Variants in GPR39 observed in about 807,000 individuals in gnomAD.
GPR39 encodes the protein G protein-coupled receptor 39.
GPR39 carries 23 observed loss-of-function variants against 18.4 expected under a neutral mutation model. The observed-to-expected ratio is 1.25, with a 90% CI of 0.90 to 1.77. GPR39 has a LOEUF of 1.77. Among genes scored for constraint, GPR39 ranks in the 40% most tolerant of loss-of-function variants. GPR39 has a pLI of 0.00. For synonymous variants in GPR39, 280 were observed against 257.9 expected, an observed-to-expected ratio of 1.09 and a Z score of -0.82; for missense variants, 647 against 602.4, an observed-to-expected ratio of 1.07 and a Z score of -0.78.
At chr2:132,473,528 C>T (rs2104784678) in intron 1 of GPR39, among the ~76,000 whole-genome samples, 1 of 152,050 alleles carries the variant, frequency 6.6e-6, no homozygotes, top group South Asian at 2.1e-4. Flanking sequence ...GGAAAGACTA[C>T]AGTACTTTGA....
chr2:132,419,532 A>G (rs1679969875), intron 1 of GPR39, among the ~76,000 whole-genome samples: 1 of 152,190 alleles, frequency 6.6e-6, no homozygotes, highest in South Asian at 2.1e-4. Flanking sequence ...AGGTAACGTT[A>G]TCTTGGGACT....
chr2:132,425,699 T>G (rs2315387), intron 1 of GPR39, among the ~76,000 whole-genome samples: 1 of 152,024 alleles, frequency 6.6e-6, no homozygotes, highest in Admixed American at 6.6e-5. Context: ...AGCCTTTAAA[T>G]CTGGGTCTAG....
At chr2:132,633,338 CTGTGTGTGTG>C (rs55722602) in intron 1 of GPR39, among the ~76,000 whole-genome samples, 296 of 139,184 alleles carry the variant, frequency 2.1e-3, no homozygotes, top group African/African-American at 5.0e-3. Flanking sequence ...CCAAATACCT[CTGTGTGTGTG>C]TGTGTGTGTG....
In GPR39 at chr2:132,565,552, C is replaced by G. The variant is rs12990243; in HGVS notation, c.857-79549C>G. ...TCTCCCAATGCCATCCCTCCCCCCTCCCCCCACCCCACCACAGTCCCCAGA... is the reference window on the plus strand; with the variant it reads ...TCTCCCAATGCCATCCCTCCCCCCTGCCCCCACCCCACCACAGTCCCCAGA... On this transcript the variant is annotated intron_variant, in intron 1 of 1. Transcript: ENST00000329321. Among the ~76,000 whole-genome samples, 4 of 105,330 alleles carry G rather than the reference C, an allele frequency of 3.8e-5. No individual in the cohort carries two copies. The Admixed American group carries it at 5.0e-4, about 13-fold the overall frequency. 69.1% of individuals were successfully genotyped at this position (105,330 alleles called of 152,430 possible).
chr2:132,499,550 C>T (rs185222506), intron 1 of GPR39, among the ~76,000 whole-genome samples: 14 of 151,934 alleles, frequency 9.2e-5, no homozygotes, highest in African/African-American at 1.4e-4. Flanking sequence ...TTTGACTATG[C>T]GGGCTCTTTT....
At chr2:132,456,902 G>T (rs939719601) in intron 1 of GPR39, among the ~76,000 whole-genome samples, 2 of 152,180 alleles carry the variant, frequency 1.3e-5, no homozygotes, top group Admixed American at 1.3e-4. Context: ...CTCTCTGGCT[G>T]CCCTTAACAC....
intron 1 of GPR39, among the ~76,000 whole-genome samples, chr2:132,587,637 A>G (rs954299820): frequency 1.3e-5 from 2 of 152,034 alleles, no homozygotes; most frequent in African/African-American, 4.8e-5. Context: ...GTTTTTAAGC[A>G]GCTCTCTCTG....
chr2:132,553,889 T>A (rs1680099284), intron 1 of GPR39, among the ~76,000 whole-genome samples: 2 of 152,052 alleles, frequency 1.3e-5, no homozygotes, highest in Non-Finnish European at 2.9e-5. Flanking sequence ...CATCAGGGGC[T>A]GGTGGTCCCT....
chr2:132,613,632 T>C (rs1283360751), intron 1 of GPR39, among the ~76,000 whole-genome samples: 2 of 152,236 alleles, frequency 1.3e-5, no homozygotes, highest in Non-Finnish European at 2.9e-5. Context: ...TCACCATCAC[T>C]TAGCAGAGTG....
At chr2:132,538,237 T>C (rs921919509) in intron 1 of GPR39, among the ~76,000 whole-genome samples, 6 of 151,954 alleles carry the variant, frequency 3.9e-5, no homozygotes, top group African/African-American at 1.4e-4. Context: ...TTTTGTATTT[T>C]TGTTGTTGTT....
chr2:132,476,671 T>C (rs990656381), intron 1 of GPR39, among the ~76,000 whole-genome samples: 6 of 137,208 alleles, frequency 4.4e-5, no homozygotes, highest in Non-Finnish European at 7.7e-5. Context: ...AAGATAGATA[T>C]GTAAAGATAT....
chr2:132,492,131 T>C (rs1163891558), intron 1 of GPR39, among the ~76,000 whole-genome samples: 1 of 148,614 alleles, frequency 6.7e-6, no homozygotes, highest in Non-Finnish European at 1.5e-5. Flanking sequence ...CACATATATA[T>C]ACATACCATA....
intron 1 of GPR39, among the ~76,000 whole-genome samples, chr2:132,520,378 C>T (rs555566947): frequency 6.6e-6 from 1 of 152,346 alleles, no homozygotes; most frequent in East Asian, 1.9e-4. Context: ...ATGCCAAGCT[C>T]AGTGCCTGAT....
chr2:132,570,012 A>G (rs1158242365), intron 1 of GPR39, among the ~76,000 whole-genome samples: 1 of 152,102 alleles, frequency 6.6e-6, no homozygotes, highest in East Asian at 1.9e-4. Flanking sequence ...GGGCAGTGGG[A>G]AAGCGGACTA....
chr2:132,499,158 C>T (rs1372942436), intron 1 of GPR39, among the ~76,000 whole-genome samples: 1 of 152,094 alleles, frequency 6.6e-6, no homozygotes, highest in Non-Finnish European at 1.5e-5. Context: ...AGTGTTTTTC[C>T]TAAGTTATCT....
rs747929693 is a variant in GPR39, at chr2:132,645,321, G to A, written c.1077G>A (p.Leu359=). ...QQFRRVFVQV[L]CCRLSLQHAN... ...TTCGGCGGGTGTTCGTGCAGGTGCT[G>A]TGCTGCCGCCTGTCGCTGCAGCACG... The change falls in exon 2 of 2, where the codon CTG becomes CTA. Residue 359 remains leucine (L), a synonymous_variant. Transcript: ENST00000329321. The A allele has an allele frequency of 1.4e-5, 22 of 1,614,072 alleles. No individual in the cohort carries two copies. Among genetic ancestry groups the A allele is most frequent in the East Asian group, 2.2e-5 (1 of 44,890 alleles).
intron 1 of GPR39, among the ~76,000 whole-genome samples, chr2:132,491,383 A>C (rs1366056414): frequency 2.0e-5 from 3 of 152,090 alleles, no homozygotes; most frequent in Admixed American, 6.5e-5. Flanking sequence ...CTTGGGCCTA[A>C]TTCTAATATT....
In GPR39 at chr2:132,555,101, G is replaced by A. The variant is rs189310346; in HGVS notation, c.857-90000G>A. ...CGAGTAGCTGGGACTACAGGTGCGT[G>A]CCACCATGCCCGGCTAATTTTTTGT... is the stretch of plus-strand genomic sequence containing the variant. On this transcript the variant is annotated intron_variant, in intron 1 of 1. Transcript: ENST00000329321. Among the ~76,000 whole-genome samples, 42 of 152,122 alleles carry A rather than the reference G, an allele frequency of 2.8e-4. No individual in the cohort carries two copies. The East Asian group carries it at 6.8e-3, about 25-fold the overall frequency.
chr2:132,539,633 T>C (rs1366907960), intron 1 of GPR39, among the ~76,000 whole-genome samples: 1 of 152,180 alleles, frequency 6.6e-6, no homozygotes, highest in African/African-American at 2.4e-5. Flanking sequence ...TTTATTTTGT[T>C]CATAATGTTG....
Sources: allele counts gnomAD v4.1 joint callset (sites outside exome capture counted in the v4.1 genomes callset), GRCh38; gene constraint gnomAD v4.1.1; transcripts MANE v1.5; gene names NCBI Gene and HGNC (gene_info 2026-07-23, HGNC 2026-07-21).